The following DGKB variants were observed in gnomAD, a reference collection of about 807,000 sequenced individuals.
The protein encoded by DGKB is diacylglycerol kinase beta.
DGKB carries 67 observed loss-of-function variants against 114.3 expected under a neutral mutation model. The ratio of observed to expected loss-of-function variants is 0.59; its 90% CI spans 0.48 to 0.72. DGKB has a LOEUF of 0.72. Ranked by LOEUF, DGKB falls within the 30% of genes least tolerant of loss-of-function variation. The probability of loss-of-function intolerance (pLI) is 0.00; values close to 1 mark genes in which losing one functional copy is unlikely to be tolerated. For missense variants in DGKB, 907 were observed against 975.2 expected, an observed-to-expected ratio of 0.93 and a Z score of 0.93; for synonymous variants, 398 against 323.1, an observed-to-expected ratio of 1.23 and a Z score of -2.49.
chr7:14,952,565 G>T (rs1005570588), intron 1 of DGKB, among the ~76,000 whole-genome samples: 4 of 151,608 alleles, frequency 2.6e-5, no homozygotes, highest in Non-Finnish European at 4.4e-5. Context: ...AATACAGCCT[G>T]AGCAACATGG....
chr7:14,268,076 C>T (rs780730367), intron 23 of DGKB, among the ~76,000 whole-genome samples: 7 of 152,014 alleles, frequency 4.6e-5, no homozygotes, highest in Admixed American at 1.3e-4. Context: ...TTTCTATATT[C>T]GTTTTGGAGA....
chr7:14,647,518 G>A (rs963629836), intron 13 of DGKB, among the ~76,000 whole-genome samples: 1 of 152,074 alleles, frequency 6.6e-6, no homozygotes, highest in African/African-American at 2.4e-5. Flanking sequence ...ACGAAACACA[G>A]ACACAAAACA....
chr7:14,314,725 A>G (rs1806136900), intron 23 of DGKB, among the ~76,000 whole-genome samples: 1 of 151,958 alleles, frequency 6.6e-6, no homozygotes, highest in Non-Finnish European at 1.5e-5. Flanking sequence ...ATTATCCAGG[A>G]GAATTTCCCC....
intron 23 of DGKB, among the ~76,000 whole-genome samples, chr7:14,226,787 G>A (rs1210126077): frequency 1.3e-5 from 2 of 151,860 alleles, no homozygotes; most frequent in Admixed American, 6.6e-5. Flanking sequence ...ACACATATAA[G>A]ATTGCAATTC....
At chr7:14,759,218 C>T (rs1835343354) in intron 2 of DGKB, among the ~76,000 whole-genome samples, 2 of 152,188 alleles carry the variant, frequency 1.3e-5, no homozygotes, top group Non-Finnish European at 2.9e-5. Context: ...AGCCACCGTG[C>T]TCAGCCTGTG....
intron 17 of DGKB, among the ~76,000 whole-genome samples, chr7:14,589,529 T>A (rs1801333998): frequency 6.6e-6 from 1 of 152,024 alleles, no homozygotes; most frequent in Non-Finnish European, 1.5e-5. Flanking sequence ...TTATTTTTCT[T>A]TCTTTTTACT....
intron 20 of DGKB, among the ~76,000 whole-genome samples, chr7:14,499,310 G>C (rs991660873): frequency 4.0e-5 from 6 of 151,592 alleles, no homozygotes; most frequent in Non-Finnish European, 7.4e-5. Flanking sequence ...TTGAGGCTGA[G>C]ACTTAACAAC....
chr7:14,150,304 G>C (rs986844700), intron 25 of DGKB, among the ~76,000 whole-genome samples: 2 of 152,002 alleles, frequency 1.3e-5, no homozygotes, highest in East Asian at 3.9e-4. Context: ...CTCATTAAAA[G>C]CTGCAAAAAA....
At chr7:14,820,338 TG>T (rs1054922165) in intron 2 of DGKB, among the ~76,000 whole-genome samples, 1 of 152,206 alleles carries the variant, frequency 6.6e-6, no homozygotes, top group Non-Finnish European at 1.5e-5. Flanking sequence ...AATTTAGTAA[TG>T]TTTTTTCATT....
At chr7:14,715,198 A>G (rs1420649173) in intron 6 of DGKB, among the ~76,000 whole-genome samples, 2 of 152,144 alleles carry the variant, frequency 1.3e-5, no homozygotes, top group African/African-American at 4.8e-5. Context: ...GCAATAATTA[A>G]ATTAAAAGTA....
chr7:14,559,932 CCTTCCTCT>C (rs1796409176), intron 20 of DGKB, among the ~76,000 whole-genome samples: 1 of 150,044 alleles, frequency 6.7e-6, no homozygotes, highest in Admixed American at 6.7e-5. Flanking sequence ...TTCCTTCCTC[CCTTCCTCT>C]CTTCCTCTCT....
chr7:14,774,091 G>C (rs979791718), intron 2 of DGKB, among the ~76,000 whole-genome samples: 1 of 152,072 alleles, frequency 6.6e-6, no homozygotes, highest in Non-Finnish European at 1.5e-5. Flanking sequence ...CATAGGCTTG[G>C]GAGGAGTGCA....
At chr7:14,345,147 C>G (rs1812267504) in intron 22 of DGKB, among the ~76,000 whole-genome samples, 154 bp downstream of exon 22, 1 of 151,420 alleles carries the variant, frequency 6.6e-6, no homozygotes, top group Admixed American at 6.6e-5. Context: ...TGCTGTATTC[C>G]AAATGAGTGA....
intron 20 of DGKB, among the ~76,000 whole-genome samples, chr7:14,560,849 T>A (rs985603686): frequency 5.3e-5 from 8 of 152,224 alleles, no homozygotes; most frequent in African/African-American, 1.9e-4. Flanking sequence ...TTTCTCCAAA[T>A]CTTCACAATC....
At chr7:14,223,679 C>T (rs1790346885) in intron 23 of DGKB, among the ~76,000 whole-genome samples, 4 of 151,724 alleles carry the variant, frequency 2.6e-5, no homozygotes, top group South Asian at 4.1e-4. Flanking sequence ...TATTACTCAA[C>T]GTGAGTGAGT....
At chr7:14,931,081 T>C (rs1200225376) in intron 1 of DGKB, among the ~76,000 whole-genome samples, 2 of 152,056 alleles carry the variant, frequency 1.3e-5, no homozygotes, top group African/African-American at 4.8e-5. Flanking sequence ...GTATTAACGT[T>C]TTGATGTGCT....
In DGKB at chr7:14,148,823, A is replaced by T. The variant is rs772308568; in HGVS notation, c.*308T>A. 1 of 368,932 alleles carries T rather than the reference A, an allele frequency of 2.7e-6. No individual in the cohort carries two copies. Among genetic ancestry groups the T allele is most frequent in the Middle Eastern group, 8.0e-4 (1 of 1,248 alleles). 22.9% of individuals were successfully genotyped at this position (368,932 alleles called of 1,614,324 possible). A position where few individuals can be genotyped will look rare whatever the true frequency, so the allele number is the denominator to read the frequency against. Reference sequence around the variant, plus strand: ...TTCATGTTTCACGGGTTTTTCTCACAGGTTAGTAAAAGGAAATTGGGGAAG... The same window carrying T: ...TTCATGTTTCACGGGTTTTTCTCACTGGTTAGTAAAAGGAAATTGGGGAAG... On this transcript the variant is annotated 3_prime_UTR_variant, in exon 26 of 26. Coordinates refer to ENST00000402815, the MANE Select transcript of DGKB (RefSeq NM_001350709.2).
intron 1 of DGKB, among the ~76,000 whole-genome samples, chr7:14,937,808 T>G (rs1785354475): frequency 6.6e-6 from 1 of 152,176 alleles, no homozygotes; most frequent in Non-Finnish European, 1.5e-5. Context: ...CTACTCATTG[T>G]GAAGACAACA....
intron 20 of DGKB, among the ~76,000 whole-genome samples, chr7:14,568,458 G>A (rs755671403): frequency 1.3e-5 from 2 of 152,082 alleles, no homozygotes; most frequent in Non-Finnish European, 2.9e-5. Flanking sequence ...TGAGTTATGA[G>A]TGGAAATGAT....
Sources: allele counts gnomAD v4.1 joint callset (sites outside exome capture counted in the v4.1 genomes callset), GRCh38; gene constraint gnomAD v4.1.1; transcripts MANE v1.5; gene names NCBI Gene and HGNC (gene_info 2026-07-23, HGNC 2026-07-21).